The following WDR64 variants were observed in gnomAD, a reference collection of about 807,000 sequenced individuals.
WDR64 encodes WD repeat-containing protein 64.
WDR64 carries 112 observed loss-of-function variants against 139.3 expected under a neutral mutation model. The ratio of observed to expected loss-of-function variants is 0.80; its 90% CI spans 0.69 to 0.94. The LOEUF is 0.94. WDR64 is among the 40% of genes least tolerant of loss of function. WDR64 has a pLI of 0.00. For missense variants in WDR64, 1,206 were observed against 1,293.1 expected (o/e 0.93, Z 1.03); for synonymous variants, 444 against 437.7 (o/e 1.01, Z -0.18).
chr1:241,689,696 A>G (rs1160516684), intron 8 of WDR64, among the ~76,000 whole-genome samples: 1 of 152,204 alleles, frequency 6.6e-6, no homozygotes, highest in Non-Finnish European at 1.5e-5. Context: ...ACTACAATTA[A>G]CAGGCTAAGG....
At chr1:241,767,572 G>A (rs1213924118) in intron 16 of WDR64, among the ~76,000 whole-genome samples, 4 of 152,068 alleles carry the variant, frequency 2.6e-5, no homozygotes, top group African/African-American at 4.8e-5. Flanking sequence ...TTTGGGGGAC[G>A]GGAAGAGATA....
At chr1:241,793,919 C>T (rs925171598) in intron 25 of WDR64, among the ~76,000 whole-genome samples, 16 of 152,208 alleles carry the variant, frequency 1.1e-4, no homozygotes, top group African/African-American at 3.4e-4. Flanking sequence ...TGGTGGCTCA[C>T]GCCTATAATC....
At chr1:241,760,759 A>AT (rs71174847) in intron 15 of WDR64, among the ~76,000 whole-genome samples, 3,785 of 86,748 alleles carry the variant, frequency 0.044, 139 homozygotes, top group African/African-American at 0.089. Context: ...GTGGGTTTCC[A>AT]TTTTTTTTTT....
chr1:241,756,834 G>T (rs190662428), intron 14 of WDR64, among the ~76,000 whole-genome samples: 1 of 152,232 alleles, frequency 6.6e-6, no homozygotes, highest in Non-Finnish European at 1.5e-5. Flanking sequence ...GTCAGTAGGG[G>T]AATGGACAAA....
intron 9 of WDR64, among the ~76,000 whole-genome samples, chr1:241,713,466 G>A: frequency 1.5e-5 from 2 of 131,312 alleles, no homozygotes; most frequent in South Asian, 2.6e-4. Flanking sequence ...AAGGAAGGAA[G>A]GAAAGAAAGG....
chr1:241,778,214 C>A (rs1658731212), intron 21 of WDR64, among the ~76,000 whole-genome samples: 1 of 152,136 alleles, frequency 6.6e-6, no homozygotes, highest in Non-Finnish European at 1.5e-5. Flanking sequence ...ATGGTCAAAT[C>A]TTCTTGGAGA....
Position 241,671,131 on chromosome 1 carries a change from A to C in WDR64, c.334A>C (p.Asn112His). ...DPIASQLDEE[N>H]LVFFVSRKRR... is the part of the protein sequence containing the mutation. ...TATTGCTTCCCAGTTGGATGAAGAA[A>C]ATTTGGTTTTCTTTGTGTCTAGAAA... The change falls in exon 3 of 28, where the codon AAT (asparagine) becomes CAT (histidine). Residue 112 changes from asparagine to histidine, a missense_variant. Coordinates refer to ENST00000437684, the MANE Select transcript of WDR64 (RefSeq NM_001367482.1). The C allele has an allele frequency of 6.4e-7, 1 of 1,550,868 alleles. No individual in the cohort carries two copies. The highest frequency in any genetic ancestry group is 8.7e-7 in the Non-Finnish European group (1 of 1,146,722).
In WDR64 at chr1:241,801,780, C is replaced by A; in HGVS notation, c.*565C>A. 2.5e-6 allele frequency: 1 copy of A among 397,794 alleles called. No individual in the cohort carries two copies. Among genetic ancestry groups the A allele is most frequent in the Non-Finnish European group, 4.4e-6 (1 of 225,882 alleles). The allele number at this position is 397,794 out of a possible 1,614,324, so 24.6% of individuals were successfully genotyped here. On this transcript the variant is annotated 3_prime_UTR_variant, in exon 28 of 28. Transcript: ENST00000437684. ...CCTGACTCCAGATAAATATAAAAGA[C>A]GGCAAAGAAAGGAAGAAAAATGGGT...
intron 1 of WDR64, among the ~76,000 whole-genome samples, chr1:241,653,646 T>C (rs770107024): frequency 5.9e-5 from 9 of 151,324 alleles, no homozygotes; most frequent in Non-Finnish European, 1.2e-4. Flanking sequence ...CAGGTTCAAG[T>C]GATTCTCCTG....
Position 241,713,415 on chromosome 1 carries a change from GA to G in WDR64, c.1054+1536del, listed in dbSNP as rs1478912382. Among the ~76,000 whole-genome samples the G allele has an allele frequency of 6.3e-5, 7 of 110,834 alleles. No individual in the cohort carries two copies. The South Asian group carries it at 1.3e-3, about 21-fold the overall frequency. The allele number at this position is 110,834 out of a possible 152,430, so 72.7% of individuals were successfully genotyped here. On this transcript the variant is annotated intron_variant, in intron 9 of 27. Coordinates refer to ENST00000437684, the MANE Select transcript of WDR64 (RefSeq NM_001367482.1). ...GAAGGAAGGGAGGGAGGGAGGAAGG[GA>G]AGGAAGGGAAGGAAGGAAGGGAAGG...
intron 18 of WDR64, among the ~76,000 whole-genome samples, chr1:241,771,332 T>C (rs2148300110): frequency 6.6e-6 from 1 of 152,236 alleles, no homozygotes; most frequent in South Asian, 2.1e-4. Flanking sequence ...TCTGTTTCAG[T>C]AAAAAGGGAA....
intron 10 of WDR64, among the ~76,000 whole-genome samples, chr1:241,725,811 T>TC: frequency 6.6e-6 from 1 of 150,674 alleles, no homozygotes; most frequent in Non-Finnish European, 1.5e-5. Context: ...AGATTCACTA[T>TC]CCCCCCACTC....
intron 15 of WDR64, among the ~76,000 whole-genome samples, chr1:241,761,294 T>C (rs1369270171): frequency 6.6e-6 from 1 of 152,114 alleles, no homozygotes; most frequent in Non-Finnish European, 1.5e-5. Context: ...TAAAATTACA[T>C]GATGTAAAAA....
chr1:241,718,053 T>C lies in WDR64; in HGVS notation c.1055-5244T>C, dbSNP rs79005698. Reference sequence around the variant, plus strand: ...AACTTACTCAAAGTCATAAAGCTAGTTAAGGGGTAGAGCCAGGTTTCAAAT... The same window carrying C: ...AACTTACTCAAAGTCATAAAGCTAGCTAAGGGGTAGAGCCAGGTTTCAAAT... On this transcript the variant is annotated intron_variant, in intron 9 of 27. Transcript: ENST00000437684. Among the ~76,000 whole-genome samples, 868 of 152,288 alleles carry C rather than the reference T, an allele frequency of 5.7e-3. 5 individuals are homozygous for C. Among genetic ancestry groups the C allele is most frequent in the Non-Finnish European group, 7.3e-3 (496 of 68,030 alleles).
Position 241,744,976 on chromosome 1 carries a change from T to C in WDR64, c.1594+460T>C, listed in dbSNP as rs188215480. Among the ~76,000 whole-genome samples, 166 of 152,338 alleles carry C rather than the reference T, an allele frequency of 1.1e-3. 2 individuals carry two copies. Among genetic ancestry groups the C allele is most frequent in the Admixed American group, 0.011 (164 of 15,304 alleles). ...GAATTCTATATTGGCATTGTTCATATGTCTAGCCTTCGTGAGGGCATGTTC... is the reference window on the plus strand; with the variant it reads ...GAATTCTATATTGGCATTGTTCATACGTCTAGCCTTCGTGAGGGCATGTTC... On this transcript the variant is annotated intron_variant, in intron 13 of 27. Transcript: ENST00000437684.
rs988100718 is a variant in WDR64, at chr1:241,797,334, T to C, written c.3192+964T>C. Among the ~76,000 whole-genome samples the C allele has an allele frequency of 9.9e-5, 15 of 152,212 alleles. 1 individual carries two copies. Among genetic ancestry groups the C allele is most frequent in the African/African-American group, 3.6e-4 (15 of 41,466 alleles). ...GATAGCCTACACAGCTATCACTATA[T>C]AACCTATCACTCTCCTACTAGTTCT... is the stretch of plus-strand genomic sequence containing the variant. On this transcript the variant is annotated intron_variant, in intron 27 of 27. Coordinates refer to ENST00000437684, the MANE Select transcript of WDR64 (RefSeq NM_001367482.1).
At chr1:241,677,350 G>A (rs1573999563) in intron 4 of WDR64, 1 of 398,382 alleles carries the variant, frequency 2.5e-6, no homozygotes, top group East Asian at 3.6e-5. Context: ...GTCAGTCCCG[G>A]GTTAGAAAAG....
At chr1:241,799,308 T>C (rs1659459761) in intron 27 of WDR64, among the ~76,000 whole-genome samples, 1 of 147,934 alleles carries the variant, frequency 6.8e-6, no homozygotes, top group Non-Finnish European at 1.5e-5. Flanking sequence ...GCCTGGAAAG[T>C]GGACGTTGCA....
At chr1:241,794,609 A>G (rs2148332002) in intron 25 of WDR64, among the ~76,000 whole-genome samples, 1 of 144,942 alleles carries the variant, frequency 6.9e-6, no homozygotes, top group East Asian at 2.2e-4. Context: ...CCTAGGTTCA[A>G]GTGATTCTTC....
Sources: gnomAD v4.1 joint callset for allele counts (sites outside exome capture counted in the v4.1 genomes callset) on GRCh38, gnomAD v4.1.1 for gene constraint, MANE v1.5 for transcripts, NCBI Gene and HGNC (gene_info 2026-07-23, HGNC 2026-07-21) for gene names.